GSDMC: variants seen among roughly 807,000 people sequenced by gnomAD.
GSDMC encodes gasdermin-C.
In GSDMC, 59 loss-of-function variants were observed where a neutral mutation model predicts 58.0. The observed-to-expected ratio is 1.02, with a 90% confidence interval of 0.82 to 1.26. The LOEUF is 1.26. Ranked by LOEUF, GSDMC falls within the 50% of genes most tolerant of loss-of-function variation. The probability of loss-of-function intolerance (pLI) is 0.00; values close to 1 mark genes in which losing one functional copy is unlikely to be tolerated. For missense variants in GSDMC, 659 were observed against 598.5 expected, an observed-to-expected ratio of 1.10 and a Z score of -1.06; for synonymous variants, 241 against 220.2, an observed-to-expected ratio of 1.09 and a Z score of -0.83.
At chr8:129,714,109 T>C in the GSDMC span, among the ~76,000 whole-genome samples, 1 of 152,172 alleles carries the variant, frequency 6.6e-6, no homozygotes, top group African/African-American at 2.4e-5. Context: ...CCTAAAGCAA[T>C]TGGCAACAGA....
chr8:129,738,632 A>T, the GSDMC span, among the ~76,000 whole-genome samples: 1 of 152,094 alleles, frequency 6.6e-6, no homozygotes, highest in Non-Finnish European at 1.5e-5. Context: ...AGGGTGGGGA[A>T]CATCACACAC....
In GSDMC at chr8:129,769,066, A is replaced by G. The variant is rs536267503; in HGVS notation, c.405-3273T>C. 4.3e-4 allele frequency among the ~76,000 whole-genome samples: 64 copies of G among 148,300 alleles called. 1 individual carries two copies. The highest frequency in any genetic ancestry group is 1.7e-3 in the South Asian group (8 of 4,744). Reference sequence around the variant, plus strand: ...GCACTCCAGCCTGAGTGACAGGGCAAGACCCTGTCACAAAGGAAAGGAGAG... The same window carrying G: ...GCACTCCAGCCTGAGTGACAGGGCAGGACCCTGTCACAAAGGAAAGGAGAG... On this transcript the variant is annotated intron_variant, in intron 3 of 13. Transcript: ENST00000276708.
At chr8:129,721,452 C>T in the GSDMC span, among the ~76,000 whole-genome samples, 49 of 152,286 alleles carry the variant, frequency 3.2e-4, no homozygotes, top group African/African-American at 1.2e-3. Flanking sequence ...ACCACATCTT[C>T]TTGTAATTCT....
chr8:129,751,894 A>T lies in GSDMC; in HGVS notation c.887-3T>A. 1 of 1,610,346 alleles carries T rather than the reference A, an allele frequency of 6.2e-7. No individual in the cohort carries two copies. Among genetic ancestry groups the T allele is most frequent in the East Asian group, 2.2e-5 (1 of 44,746 alleles). The stretch of plus-strand genomic sequence containing the variant: ...GAGGATGTGAACTTGTTCGTATTCT[A>T]AAAAAAGAAATGAAATTCCTCACCA... On this transcript the variant is annotated splice_polypyrimidine_tract_variant and splice_region_variant and intron_variant, in intron 8 of 13. Transcript: ENST00000276708.
chr8:129,762,246 G>A (rs538986823), intron 5 of GSDMC, among the ~76,000 whole-genome samples: 1 of 152,322 alleles, frequency 6.6e-6, no homozygotes, highest in East Asian at 1.9e-4. Context: ...GGACCTTAAT[G>A]TGGGGTTATG....
chr8:129,738,375 A>G, the GSDMC span, among the ~76,000 whole-genome samples: 1 of 152,354 alleles, frequency 6.6e-6, no homozygotes, highest in African/African-American at 2.4e-5. Context: ...TTGTGGCACT[A>G]TTCACAATAG....
chr8:129,777,422 C>T lies in GSDMC; in HGVS notation c.166G>A (p.Val56Ile). Residue 56 changes from valine to isoleucine, a missense_variant, in exon 2 of 14, where the codon GTT becomes ATT. Coordinates refer to ENST00000276708, the MANE Select transcript of GSDMC (RefSeq NM_031415.3). ...TCATTGAGGGAGAATTCAACTGGAA[C>T]ATAGTCAGATTGTTCCCAAAATGAT... Reference protein sequence around the residue: ...RSSFWEQSDYVPVEFSLNDIL... With the variant: ...RSSFWEQSDYIPVEFSLNDIL... The T allele has an allele frequency of 1.2e-6, 2 of 1,613,946 alleles. No individual in the cohort carries two copies. The highest frequency in any genetic ancestry group is 1.7e-6 in the Non-Finnish European group (2 of 1,179,830).
the GSDMC span, among the ~76,000 whole-genome samples, chr8:129,715,720 CG>C: frequency 7.9e-5 from 12 of 152,028 alleles, no homozygotes; most frequent in African/African-American, 2.7e-4. Context: ...TGATATCAGA[CG>C]GAAATGTGGA....
rs544449920 is a variant in GSDMC at position 129,750,587 on chromosome 8, A to C, written c.944-17T>G. 6.8e-6 allele frequency: 11 copies of C among 1,612,000 alleles called. No homozygotes were observed. In the South Asian group the frequency reaches 9.9e-5, roughly 15 times the overall value. On this transcript the variant is annotated splice_polypyrimidine_tract_variant and intron_variant, in intron 10 of 13. Transcript: ENST00000276708. ...GCTTGAAATCTGCTCTCAGGCATCA[A>C]CGCCGACCAGAAAGTGGGGACAAGT... is the stretch of plus-strand genomic sequence containing the variant.
chr8:129,760,827 C>T (rs2033631999), intron 5 of GSDMC, among the ~76,000 whole-genome samples: 1 of 152,190 alleles, frequency 6.6e-6, no homozygotes, highest in African/African-American at 2.4e-5. Context: ...TAAAGGAACT[C>T]AGCTCCCTTT....
chr8:129,748,528 CGA>C lies in GSDMC; in HGVS notation c.1498_1499del (p.Ser500ValfsTer7), dbSNP rs772199372. 6.2e-7 allele frequency: 1 copy of C among 1,609,578 alleles called. No individual in the cohort carries two copies. Among genetic ancestry groups the C allele is most frequent in the African/African-American group, 1.3e-5 (1 of 74,866 alleles). On this transcript the variant is annotated frameshift_variant, in exon 14 of 14. Transcript: ENST00000276708. LOFTEE classifies it high-confidence loss of function. ...AGGCCTCAGCCAGCTGCTGCAGCAA[CGA>C]GAGAGTCCCATAGAGGGCAGACAGG... ...MPLSALYGTLSLLQQLAEA is the reference protein window; with the variant it reads ...MPLSALYGTLXLLQQLAEA
chr8:129,772,364 T>A (rs890602935), intron 3 of GSDMC, among the ~76,000 whole-genome samples: 5 of 137,410 alleles, frequency 3.6e-5, no homozygotes, highest in Non-Finnish European at 6.5e-5. Context: ...TTGAAAAAAA[T>A]TAAAAATTGA....
chr8:129,775,398 G>A (rs1246162092), intron 3 of GSDMC, among the ~76,000 whole-genome samples: 1 of 152,082 alleles, frequency 6.6e-6, no homozygotes, highest in African/African-American at 2.4e-5. Flanking sequence ...TGGTTAGCAG[G>A]GGTTAGGAAG....
chr8:129,741,887 T>C, the GSDMC span, among the ~76,000 whole-genome samples: 1 of 141,084 alleles, frequency 7.1e-6, no homozygotes, highest in Non-Finnish European at 1.5e-5. Flanking sequence ...TAAGTGTTCA[T>C]AAACAGATGA....
Position 129,777,456 on chromosome 8 carries a change from A to G in GSDMC, c.132T>C (p.Asp44=). 2 of 1,613,364 alleles carry G rather than the reference A, an allele frequency of 1.2e-6. No individual in the cohort carries two copies. Among genetic ancestry groups the G allele is most frequent in the Non-Finnish European group, 1.7e-6 (2 of 1,179,266 alleles). Reference sequence around the variant, plus strand: ...ATTGTTCCCAAAATGATGAACGAGAATCCTTCTTCTTTCGTAATATAACAA... The same window carrying G: ...ATTGTTCCCAAAATGATGAACGAGAGTCCTTCTTCTTTCGTAATATAACAA... ...RQFVILRKKK[D]SRSSFWEQSD... Residue 44 remains aspartate, a synonymous_variant, in exon 2 of 14, where the codon GAT becomes GAC. Transcript: ENST00000276708.
At chr8:129,785,547 CAGTATAATTGTATTGTTACAATTAAG>C (rs1435762897) in intron 1 of GSDMC, among the ~76,000 whole-genome samples, 26 of 150,978 alleles carry the variant, frequency 1.7e-4, no homozygotes, top group Admixed American at 5.3e-4. Flanking sequence ...ATAACTAAAA[CAGTATAATTGTATTGTTACAATTAAG>C]AGTATAATTG....
rs148014305 is a variant in GSDMC at position 129,773,555 on chromosome 8, C to A, written c.404+2547G>T. On this transcript the variant is annotated intron_variant, in intron 3 of 13. Coordinates refer to ENST00000276708, the MANE Select transcript of GSDMC (RefSeq NM_031415.3). ...ATTCCAGCTCTTTGGGAGGCTGAGG[C>A]GGGTGGATCACCTGAGGTCAGGAGT... 2.3e-3 allele frequency among the ~76,000 whole-genome samples: 357 copies of A among 152,068 alleles called. 4 individuals are homozygous for A. The highest frequency in any genetic ancestry group is 0.016 in the East Asian group (85 of 5,182).
the GSDMC span, among the ~76,000 whole-genome samples, chr8:129,724,729 C>G: frequency 6.6e-6 from 1 of 151,662 alleles, no homozygotes; most frequent in African/African-American, 2.4e-5. Context: ...CATAATTATC[C>G]AAAAAGGAAC....
At chr8:129,780,523 C>T (rs1451508089) in intron 1 of GSDMC, among the ~76,000 whole-genome samples, 2 of 152,020 alleles carry the variant, frequency 1.3e-5, no homozygotes, top group South Asian at 2.1e-4. Context: ...AAACTTTTAC[C>T]CTAGAATAAT....
Sources: gnomAD v4.1 joint callset for allele counts (sites outside exome capture counted in the v4.1 genomes callset) on GRCh38, gnomAD v4.1.1 for gene constraint, MANE v1.5 for transcripts, NCBI Gene and HGNC (gene_info 2026-07-23, HGNC 2026-07-21) for gene names.